MGAT5: variants seen among roughly 807,000 people sequenced by gnomAD.
The protein encoded by MGAT5 is alpha-1,6-mannosylglycoprotein 6-beta-N-acetylglucosaminyltransferase.
MGAT5 carries 30 observed loss-of-function variants against 94.3 expected under a neutral mutation model. That is an observed-to-expected ratio of 0.32 (90% confidence interval 0.24 to 0.43). The LOEUF (loss-of-function observed/expected upper bound fraction) is 0.43. Among genes scored for constraint, MGAT5 ranks in the 20% least tolerant of loss-of-function variants. The probability of loss-of-function intolerance (pLI) is 1.00; values close to 1 mark genes in which losing one functional copy is unlikely to be tolerated. For missense variants in MGAT5, 691 were observed against 905.5 expected, an observed-to-expected ratio of 0.76 and a Z score of 3.04; for synonymous variants, 310 against 322.9, an observed-to-expected ratio of 0.96 and a Z score of 0.43.
At chr2:134,169,713 T>G (rs918149669) in intron 1 of MGAT5, among the ~76,000 whole-genome samples, 1 of 152,206 alleles carries the variant, frequency 6.6e-6, no homozygotes, top group African/African-American at 2.4e-5. Flanking sequence ...TCTATTAATG[T>G]TATGTACTTG....
At chr2:134,440,496 G>A (rs1055617500) in intron 14 of MGAT5, among the ~76,000 whole-genome samples, 3 of 152,106 alleles carry the variant, frequency 2.0e-5, no homozygotes, top group Non-Finnish European at 4.4e-5. Flanking sequence ...GTGGGGGTGC[G>A]CATGAATGCA....
intron 1 of MGAT5, chr2:134,127,322 T>A (rs1402731838): frequency 6.5e-6 from 1 of 154,432 alleles, no homozygotes; most frequent in Non-Finnish European, 1.5e-5. Context: ...TTCCTTTATT[T>A]GATTTTTAGC....
At chr2:134,241,638 A>G (rs1487263046) in intron 1 of MGAT5, among the ~76,000 whole-genome samples, 1 of 152,246 alleles carries the variant, frequency 6.6e-6, no homozygotes, top group Non-Finnish European at 1.5e-5. Flanking sequence ...TAGTATCAAA[A>G]TGAACTTCAT....
At chr2:134,333,913 C>G (rs1688164295) in intron 4 of MGAT5, among the ~76,000 whole-genome samples, 1 of 152,122 alleles carries the variant, frequency 6.6e-6, no homozygotes, top group Non-Finnish European at 1.5e-5. Flanking sequence ...TTTCCCTTCT[C>G]CCCATGGGAT....
intron 2 of MGAT5, among the ~76,000 whole-genome samples, chr2:134,286,518 GCCT>G (rs1192736749): frequency 6.6e-6 from 1 of 151,834 alleles, no homozygotes; most frequent in African/African-American, 2.4e-5. Context: ...TGCAACTTCT[GCCT>G]CCTGGGTTCA....
At chr2:134,381,382 T>TGAGATAAGA (rs1553457734) in intron 10 of MGAT5, among the ~76,000 whole-genome samples, 2 of 108,512 alleles carry the variant, frequency 1.8e-5, no homozygotes, top group Non-Finnish European at 2.0e-5. Flanking sequence ...ATAAGATAGA[T>TGAGATAAGA]TAGATAGATA....
intron 1 of MGAT5, among the ~76,000 whole-genome samples, chr2:134,145,284 C>T (rs138374600): frequency 0.018 from 2,705 of 151,612 alleles, 76 homozygotes; most frequent in African/African-American, 0.062. Flanking sequence ...CGGTGGCTCA[C>T]GCCTGTAATC....
At chr2:134,244,759 G>A (rs992753433) in intron 1 of MGAT5, among the ~76,000 whole-genome samples, 5 of 152,126 alleles carry the variant, frequency 3.3e-5, no homozygotes, top group African/African-American at 7.2e-5. Context: ...CCTCTCAACC[G>A]AGGCAGTTTT....
intron 1 of MGAT5, among the ~76,000 whole-genome samples, chr2:134,219,564 G>T (rs1241822047): frequency 6.6e-6 from 1 of 152,062 alleles, no homozygotes; most frequent in Non-Finnish European, 1.5e-5. Context: ...CTGTCCTGAG[G>T]TGCCCCGGAG....
intron 10 of MGAT5, among the ~76,000 whole-genome samples, chr2:134,364,431 C>T (rs1159282125): frequency 6.6e-6 from 1 of 151,962 alleles, no homozygotes; most frequent in Non-Finnish European, 1.5e-5. Context: ...ACCTGGGAGG[C>T]GGATGTTGCA....
chr2:134,189,602 G>GTTTTTTTTTGTTTTTTTT (rs1689240830), intron 1 of MGAT5, among the ~76,000 whole-genome samples: 5 of 84,670 alleles, frequency 5.9e-5, no homozygotes, highest in Non-Finnish European at 9.2e-5. Flanking sequence ...GTTTTTTTTT[G>GTTTTTTTTTGTTTTTTTT]TTTTTTTTTT....
intron 6 of MGAT5, among the ~76,000 whole-genome samples, chr2:134,341,316 T>C (rs765515761): frequency 1.3e-5 from 2 of 152,214 alleles, no homozygotes; most frequent in Non-Finnish European, 2.9e-5. Context: ...TTAATCCCGA[T>C]TTTACAAATA....
chr2:134,186,220 G>A (rs1424347050), intron 1 of MGAT5, among the ~76,000 whole-genome samples: 1 of 152,208 alleles, frequency 6.6e-6, no homozygotes, highest in Non-Finnish European at 1.5e-5. Context: ...AGCCTAGAAT[G>A]TGTCAGCCTT....
intron 1 of MGAT5, among the ~76,000 whole-genome samples, chr2:134,163,788 A>G (rs571292632): frequency 1.2e-4 from 18 of 152,340 alleles, no homozygotes; most frequent in Admixed American, 9.8e-4. Context: ...TCTGACCTGT[A>G]TAGCAGTTTG....
At chr2:134,195,515 TC>T (rs547192805) in intron 1 of MGAT5, among the ~76,000 whole-genome samples, 193 of 152,332 alleles carry the variant, frequency 1.3e-3, no homozygotes, top group African/African-American at 4.4e-3. Flanking sequence ...GTCTGAAATA[TC>T]CCATAATACC....
chr2:134,309,906 A>G lies in MGAT5; in HGVS notation c.407-7623A>G, dbSNP rs76739516. ...ATAGATTAAATAAATGACAGAGGGTATGACAAAAGGAGGTATGAAGAATCT... is the reference window on the plus strand; with the variant it reads ...ATAGATTAAATAAATGACAGAGGGTGTGACAAAAGGAGGTATGAAGAATCT... On this transcript the variant is annotated intron_variant, in intron 2 of 15. Coordinates refer to ENST00000281923, the MANE Select transcript of MGAT5 (RefSeq NM_002410.5). Among the ~76,000 whole-genome samples, 816 of 152,320 alleles carry G rather than the reference A, an allele frequency of 5.4e-3. 10 individuals carry two copies. The highest frequency in any genetic ancestry group is 0.019 in the African/African-American group (776 of 41,576).
At chr2:134,326,052 C>CT (rs1553446977) in intron 4 of MGAT5, among the ~76,000 whole-genome samples, 3,550 of 135,874 alleles carry the variant, frequency 0.026, 159 homozygotes, top group African/African-American at 0.089. Context: ...CTCTCTCTCT[C>CT]TTTTTTTTTT....
intron 13 of MGAT5, among the ~76,000 whole-genome samples, chr2:134,424,882 ATC>A (rs1333732424): frequency 6.6e-6 from 1 of 152,162 alleles, no homozygotes; most frequent in Non-Finnish European, 1.5e-5. Context: ...CTCTGTATGT[ATC>A]TCTGTCTTTT....
At chr2:134,312,100 A>G (rs1361301247) in intron 2 of MGAT5, among the ~76,000 whole-genome samples, 2 of 152,150 alleles carry the variant, frequency 1.3e-5, no homozygotes, top group African/African-American at 2.4e-5. Flanking sequence ...AAATGCAAAA[A>G]CTAACCAGTC....
Sources: allele counts gnomAD v4.1 joint callset (sites outside exome capture counted in the v4.1 genomes callset), GRCh38; gene constraint gnomAD v4.1.1; transcripts MANE v1.5; gene names NCBI Gene and HGNC (gene_info 2026-07-23, HGNC 2026-07-21).